The following FAM222B variants were observed in gnomAD, a reference collection of about 807,000 sequenced individuals.
FAM222B encodes protein FAM222B.
In FAM222B, 12 loss-of-function variants were observed where a neutral mutation model predicts 38.0. The observed-to-expected ratio is 0.32, with a 90% CI of 0.20 to 0.51. FAM222B has a LOEUF of 0.51. Among genes scored for constraint, FAM222B ranks in the 20% least tolerant of loss-of-function variants. FAM222B has a pLI of 0.97. For missense variants in FAM222B, 716 were observed against 754.2 expected (o/e 0.95, Z 0.59); for synonymous variants, 329 against 317.2 (o/e 1.04, Z -0.40).
chr17:28,786,981 G>A (rs1005863637), intron 1 of FAM222B, among the ~76,000 whole-genome samples: 1 of 146,822 alleles, frequency 6.8e-6, no homozygotes, highest in Non-Finnish European at 1.5e-5. Context: ...CTCGAGTGCA[G>A]TGGTGCGATC....
At chr17:28,785,791 T>A (rs2036385747) in intron 1 of FAM222B, among the ~76,000 whole-genome samples, 1 of 151,790 alleles carries the variant, frequency 6.6e-6, no homozygotes, top group Non-Finnish European at 1.5e-5. Flanking sequence ...TTACTGCAAC[T>A]CCATCTCCCA....
intron 1 of FAM222B, among the ~76,000 whole-genome samples, chr17:28,822,832 A>AAAATATATATAT (rs1567887716): frequency 2.3e-5 from 1 of 42,806 alleles, no homozygotes; most frequent in Non-Finnish European, 3.8e-5. Context: ...AAAAAAAAAA[A>AAAATATATATAT]ATATATATAT....
intron 1 of FAM222B, among the ~76,000 whole-genome samples, chr17:28,827,377 G>A (rs1301280887): frequency 2.0e-5 from 3 of 151,604 alleles, no homozygotes; most frequent in African/African-American, 7.3e-5. Context: ...AAAAGAAAAA[G>A]TGAAAAAGGA....
At chr17:28,814,550 A>G (rs1282215099) in intron 1 of FAM222B, among the ~76,000 whole-genome samples, 2 of 151,910 alleles carry the variant, frequency 1.3e-5, no homozygotes, top group Admixed American at 6.6e-5. Flanking sequence ...ACTCACTGCA[A>G]CCTCCGCCTC....
intron 1 of FAM222B, chr17:28,766,989 T>C (rs956832488): frequency 3.4e-6 from 1 of 291,806 alleles, no homozygotes; most frequent in Admixed American, 4.8e-5. Context: ...CAGGTGCATT[T>C]ATAATGTCTC....
At position 28,851,982 on chromosome 17, in the gene FAM222B, G is replaced by A. The variant is rs2039185206; in HGVS notation, c.-41+2968C>T. 2.0e-5 allele frequency among the ~76,000 whole-genome samples: 3 copies of A among 151,918 alleles called. No individual in the cohort carries two copies. In the South Asian group the frequency reaches 6.2e-4, roughly 31 times the overall value. The stretch of plus-strand genomic sequence containing the variant: ...TGGGGGAATCACCTGAGCCCAGGAG[G>A]TGGAGGTTGCAGTGCGCCAAAATTA... On this transcript the variant is annotated intron_variant, in intron 1 of 2. Coordinates refer to the FAM222B transcript ENST00000577513.
intron 1 of FAM222B, among the ~76,000 whole-genome samples, chr17:28,775,202 T>G (rs990129849): frequency 3.0e-4 from 45 of 151,626 alleles, no homozygotes; most frequent in Admixed American, 2.4e-3. Flanking sequence ...GGTTTCACCA[T>G]GTTGGCCAGG....
intron 1 of FAM222B, among the ~76,000 whole-genome samples, chr17:28,792,093 C>T (rs537988126): frequency 6.0e-5 from 9 of 150,500 alleles, no homozygotes; most frequent in Admixed American, 5.4e-4. Flanking sequence ...GGGCGGATCG[C>T]GAGGTCAGGA....
intron 1 of FAM222B, among the ~76,000 whole-genome samples, chr17:28,818,317 A>G (rs1008343450): frequency 3.9e-5 from 6 of 152,150 alleles, no homozygotes; most frequent in Non-Finnish European, 8.8e-5. Context: ...TCACGAGGTC[A>G]GGAGATCGAG....
upstream of FAM222B, among the ~76,000 whole-genome samples, chr17:28,844,099 C>T (rs1268408161): frequency 6.6e-6 from 1 of 152,142 alleles, no homozygotes; most frequent in Non-Finnish European, 1.5e-5. Flanking sequence ...CTGTCAGTCC[C>T]TAGACTACTG....
intron 1 of FAM222B, among the ~76,000 whole-genome samples, chr17:28,799,995 A>T (rs2037142776): frequency 1.3e-5 from 2 of 152,090 alleles, no homozygotes; most frequent in South Asian, 4.1e-4. Context: ...TATGACTTTG[A>T]TAAAGACTGG....
At chr17:28,842,354 C>T (rs1020350104) in intron 1 of FAM222B, among the ~76,000 whole-genome samples, 3 of 152,240 alleles carry the variant, frequency 2.0e-5, no homozygotes, top group African/African-American at 7.2e-5. Context: ...TCCAGCAGAG[C>T]TTTCATCCTC....
intron 1 of FAM222B, among the ~76,000 whole-genome samples, chr17:28,796,343 T>C (rs1220621777): frequency 1.3e-5 from 2 of 152,222 alleles, no homozygotes. Flanking sequence ...ATTGCTCTCA[T>C]GGTTTCCCCA....
intron 1 of FAM222B, among the ~76,000 whole-genome samples, chr17:28,773,473 C>CT (rs1421564741): frequency 9.8e-6 from 1 of 102,550 alleles, no homozygotes; most frequent in East Asian, 3.4e-4. Flanking sequence ...GAGTGAAACT[C>CT]TGTCTCAAAA....
At chr17:28,843,299 A>T (rs886991502), upstream of FAM222B, among the ~76,000 whole-genome samples, 4 of 141,230 alleles carry the variant, frequency 2.8e-5, no homozygotes, top group Admixed American at 2.9e-4. Flanking sequence ...CACCACGCCC[A>T]GCTAATTTTG....
intron 1 of FAM222B, among the ~76,000 whole-genome samples, chr17:28,824,145 G>T (rs1255679314): frequency 6.6e-6 from 1 of 151,502 alleles, no homozygotes; most frequent in Non-Finnish European, 1.5e-5. Context: ...CCAAAGTGCT[G>T]GGATTAAAGG....
At chr17:28,833,486 G>A (rs2038735972) in intron 1 of FAM222B, among the ~76,000 whole-genome samples, 1 of 148,124 alleles carries the variant, frequency 6.8e-6, no homozygotes. Context: ...GCGTGGTGGT[G>A]TGCGCCTGTA....
At chr17:28,812,933 T>C (rs1453665446) in intron 1 of FAM222B, among the ~76,000 whole-genome samples, 1 of 141,030 alleles carries the variant, frequency 7.1e-6, no homozygotes, top group Non-Finnish European at 1.5e-5. Flanking sequence ...ACTGTAACAG[T>C]GGACGGATTT....
rs770268799 is a variant in FAM222B at position 28,766,611 on chromosome 17, C to T, written c.57G>A (p.Thr19=). ...GDLSFQLLSH[T]QMNTGLQKWD... ...ATTTCTGAAGTCCAGTGTTCATCTG[C>T]GTGTGAGAAAGAAGCTGAAAGGACA... The change falls in exon 2 of 3, where the codon ACG becomes ACA. Residue 19 remains threonine (T), a synonymous_variant. Transcript: ENST00000581407. 61 of 1,604,658 alleles carry T rather than the reference C, an allele frequency of 3.8e-5. No individual in the cohort carries two copies. The highest frequency in any genetic ancestry group is 5.4e-5 in the African/African-American group (4 of 74,738).
Sources: gnomAD v4.1 joint callset for allele counts (sites outside exome capture counted in the v4.1 genomes callset) on GRCh38, gnomAD v4.1.1 for gene constraint, MANE v1.5 for transcripts, NCBI Gene and HGNC (gene_info 2026-07-23, HGNC 2026-07-21) for gene names.